The following AHR variants were observed in gnomAD, a reference collection of about 807,000 sequenced individuals.
AHR encodes the protein aryl hydrocarbon receptor, also known as AH-receptor.
AHR carries 40 observed loss-of-function variants against 86.8 expected under a neutral mutation model. The observed-to-expected ratio is 0.46, with a 90% CI of 0.36 to 0.60. The LOEUF (loss-of-function observed/expected upper bound fraction) is 0.60. AHR is among the 20% of genes least tolerant of loss of function. The pLI, the probability that AHR is intolerant of heterozygous loss-of-function variation, is 0.00. For synonymous variants in AHR, 398 were observed against 354.9 expected, an observed-to-expected ratio of 1.12 and a Z score of -1.37; for missense variants, 1,001 against 1,011.6, an observed-to-expected ratio of 0.99 and a Z score of 0.14.
Position 17,331,638 on chromosome 7 carries a change from A to G in AHR, c.705+752A>G, listed in dbSNP as rs192261504. On this transcript the variant is annotated intron_variant, in intron 6 of 10. Coordinates refer to ENST00000242057, the MANE Select transcript of AHR (RefSeq NM_001621.5). ...ATGTCTCAAATAACTGCCACATAGAAAAACGATTGTATATTCATGATTGTG... is the reference window on the plus strand; with the variant it reads ...ATGTCTCAAATAACTGCCACATAGAGAAACGATTGTATATTCATGATTGTG... 2.6e-4 allele frequency among the ~76,000 whole-genome samples: 40 copies of G among 152,046 alleles called. 1 individual carries two copies. Among genetic ancestry groups the G allele is most frequent in the Non-Finnish European group, 1.0e-4 (7 of 67,880 alleles).
chr7:17,311,271 T>G (rs1191904706), intron 2 of AHR, among the ~76,000 whole-genome samples: 1 of 152,216 alleles, frequency 6.6e-6, no homozygotes, highest in East Asian at 1.9e-4. Context: ...AGTCAATGCT[T>G]CTCATACATT....
At chr7:17,316,086 G>T (rs750668206) in intron 2 of AHR, among the ~76,000 whole-genome samples, 10 of 152,164 alleles carry the variant, frequency 6.6e-5, no homozygotes, top group Non-Finnish European at 1.2e-4. Context: ...AGGTGATAGA[G>T]TTGACTTAAG....
rs191595333 is a variant in AHR at position 17,337,568 on chromosome 7, G to A, written c.1161-1418G>A. Among the ~76,000 whole-genome samples the A allele has an allele frequency of 5.3e-3, 788 of 148,300 alleles. 40 individuals carry two copies. The East Asian group carries it at 0.13, about 24-fold the overall frequency. On this transcript the variant is annotated intron_variant, in intron 9 of 10. Coordinates refer to ENST00000242057, the MANE Select transcript of AHR (RefSeq NM_001621.5). ...CGGCTCACTGCAAGCTCCGCCACCC[G>A]GGTTCACGCCATTCTCCTGCCTCAG...
At chr7:17,342,409 TAAG>T (rs1347344139) in intron 10 of AHR, among the ~76,000 whole-genome samples, 2 of 152,148 alleles carry the variant, frequency 1.3e-5, no homozygotes, top group South Asian at 2.1e-4. Context: ...AGAAATCGGT[TAAG>T]AAAATCATAC....
intron 9 of AHR, among the ~76,000 whole-genome samples, chr7:17,337,629 T>C (rs1036974943): frequency 5.3e-5 from 8 of 151,050 alleles, no homozygotes; most frequent in Non-Finnish European, 5.9e-5. Context: ...CGCCCGCCAC[T>C]ACGCCCGGCT....
Position 17,342,917 on chromosome 7 carries a change from T to C in AHR, c.2404-4T>C, listed in dbSNP as rs751703539. The C allele has an allele frequency of 6.2e-7, 1 of 1,611,122 alleles. No homozygotes were observed. The highest frequency in any genetic ancestry group is 8.5e-7 in the Non-Finnish European group (1 of 1,178,612). On this transcript the variant is annotated splice_region_variant and splice_polypyrimidine_tract_variant and intron_variant, in intron 10 of 10. Transcript: ENST00000242057. The stretch of plus-strand genomic sequence containing the variant: ...ATAAGTTGCATCACCATTTTTGTTT[T>C]CAGTTTCAGAATGGAGTTTTAAATG...
At chr7:17,328,288 A>T (rs1232850312) in intron 4 of AHR, among the ~76,000 whole-genome samples, 2 of 151,990 alleles carry the variant, frequency 1.3e-5, no homozygotes, top group African/African-American at 4.8e-5. Context: ...AATGGTATGT[A>T]AGCTGACCTA....
At chr7:17,304,016 C>T (rs1472277987) in intron 1 of AHR, among the ~76,000 whole-genome samples, 1 of 152,064 alleles carries the variant, frequency 6.6e-6, no homozygotes, top group Non-Finnish European at 1.5e-5. Context: ...TGCAGATTTT[C>T]TACTTAGGGT....
chr7:17,323,331 T>A (rs1016285113), intron 3 of AHR, among the ~76,000 whole-genome samples: 4 of 152,168 alleles, frequency 2.6e-5, no homozygotes, highest in Non-Finnish European at 4.4e-5. Context: ...ATGTTATAAC[T>A]TACATTTTAT....
chr7:17,315,237 T>C (rs1261797016), intron 2 of AHR, among the ~76,000 whole-genome samples: 2 of 152,044 alleles, frequency 1.3e-5, no homozygotes. Context: ...TTCAGGAATT[T>C]AATCTCTCTT....
chr7:17,311,477 A>T (rs1443652526), intron 2 of AHR, among the ~76,000 whole-genome samples: 3 of 152,200 alleles, frequency 2.0e-5, no homozygotes, highest in East Asian at 1.9e-4. Flanking sequence ...ATATTGCAAC[A>T]GTTAATTTCC....
chr7:17,308,958 A>C (rs1782033976), intron 1 of AHR, among the ~76,000 whole-genome samples: 1 of 152,216 alleles, frequency 6.6e-6, no homozygotes, highest in Admixed American at 6.5e-5. Flanking sequence ...ACGCTAGATA[A>C]TTACTCTTCT....
intron 9 of AHR, among the ~76,000 whole-genome samples, chr7:17,336,263 C>T (rs1344240699): frequency 6.6e-6 from 1 of 151,774 alleles, no homozygotes; most frequent in African/African-American, 2.4e-5. Flanking sequence ...ATACGTATAC[C>T]CAATTGACCA....
At chr7:17,320,692 A>G (rs1782159128) in intron 2 of AHR, among the ~76,000 whole-genome samples, 1 of 152,112 alleles carries the variant, frequency 6.6e-6, no homozygotes, top group South Asian at 2.1e-4. Context: ...GCAAGCAACA[A>G]CATAACTTAC....
At chr7:17,303,257 A>G (rs1781972222) in intron 1 of AHR, among the ~76,000 whole-genome samples, 1 of 152,048 alleles carries the variant, frequency 6.6e-6, no homozygotes, top group Non-Finnish European at 1.5e-5. Context: ...TAGATAGGGA[A>G]CTGAGATTCA....
At chr7:17,306,339 C>T (rs1782005501) in intron 1 of AHR, among the ~76,000 whole-genome samples, 1 of 152,140 alleles carries the variant, frequency 6.6e-6, no homozygotes, top group South Asian at 2.1e-4. Flanking sequence ...GTACATTTCT[C>T]ACAAAATCAG....
rs918716901 is a variant in AHR, at chr7:17,340,349, A to AT, written c.2403+127dup. ...TATCTACAGCATTCATGGAGACAGCATTTTTTATTATATCTGTGACTACCT... is the reference window on the plus strand; with the variant it reads ...TATCTACAGCATTCATGGAGACAGCATTTTTTTATTATATCTGTGACTACCT... On this transcript the variant is annotated intron_variant, in intron 10 of 10. Coordinates refer to ENST00000242057, the MANE Select transcript of AHR (RefSeq NM_001621.5). 7 of 1,302,098 alleles carry AT rather than the reference A, an allele frequency of 5.4e-6. No homozygotes were observed. In the African/African-American group the frequency reaches 7.5e-5, roughly 14 times the overall value. The allele number at this position is 1,302,098 out of a possible 1,614,324, so 80.7% of individuals were successfully genotyped here. A position where few individuals can be genotyped will look rare whatever the true frequency, so the allele number is the denominator to read the frequency against.
rs768669484 is a variant in AHR, at chr7:17,334,983, G to C, written c.1005G>C (p.Glu335Asp). The C allele has an allele frequency of 6.2e-7, 1 of 1,612,842 alleles. No homozygotes were observed. The change falls in exon 8 of 11, where the codon GAG becomes GAC. Residue 335 changes from glutamate (E) to aspartate (D), a missense_variant. Physicochemically the swap from Glu to Asp is conservative, Grantham distance 45 (BLOSUM62 2). Transcript: ENST00000242057. The stretch of plus-strand genomic sequence containing the variant: ...CAGCTGATATGCTTTATTGTGCCGA[G>C]TCCCATATCCGAAGTAAGTTGTAGT... ...IHAADMLYCA[E>D]SHIRMIKTGE...
intron 1 of AHR, among the ~76,000 whole-genome samples, chr7:17,309,195 G>A (rs756832865): frequency 6.6e-6 from 1 of 152,018 alleles, no homozygotes; most frequent in African/African-American, 2.4e-5. Context: ...AATTGTTTAG[G>A]GTTCCGTTGA....
Sources: gnomAD v4.1 joint callset for allele counts (sites outside exome capture counted in the v4.1 genomes callset) on GRCh38, gnomAD v4.1.1 for gene constraint, MANE v1.5 for transcripts, NCBI Gene and HGNC (gene_info 2026-07-23, HGNC 2026-07-21) for gene names.